The following TRAPPC8 variants were observed in gnomAD, a reference collection of about 807,000 sequenced individuals.
The protein encoded by TRAPPC8 is general sporulation gene 1 homolog.
Under a neutral mutation model 174.3 loss-of-function variants are expected in TRAPPC8, and 54 were observed. The ratio of observed to expected loss-of-function variants is 0.31; its 90% CI spans 0.25 to 0.39. TRAPPC8 has a LOEUF of 0.39. Ranked by LOEUF, TRAPPC8 falls within the 10% of genes least tolerant of loss-of-function variation. The probability of loss-of-function intolerance (pLI) is 1.00; values close to 1 mark genes in which losing one functional copy is unlikely to be tolerated. For synonymous variants in TRAPPC8, 630 were observed against 579.9 expected (o/e 1.09, Z -1.24); for missense variants, 1,531 against 1,699.1 (o/e 0.90, Z 1.74).
intron 18 of TRAPPC8, among the ~76,000 whole-genome samples, chr18:31,866,327 T>C (rs1265455388): frequency 6.6e-6 from 1 of 152,148 alleles, no homozygotes; most frequent in Non-Finnish European, 1.5e-5. Flanking sequence ...ACATATCGTG[T>C]AGTTTTCCTC....
At chr18:31,896,655 T>G (rs1346426014) in intron 11 of TRAPPC8, among the ~76,000 whole-genome samples, 1 of 152,168 alleles carries the variant, frequency 6.6e-6, no homozygotes. Flanking sequence ...CAAATGAGTC[T>G]CGCTCTGTCG....
intron 16 of TRAPPC8, among the ~76,000 whole-genome samples, chr18:31,869,619 A>G (rs2034744517): frequency 6.6e-6 from 1 of 152,248 alleles, no homozygotes; most frequent in South Asian, 2.1e-4. Context: ...ACTTGCCAAA[A>G]AACTATCAAA....
At chr18:31,909,336 TTTG>T (rs1187060720) in intron 6 of TRAPPC8, among the ~76,000 whole-genome samples, 17 of 152,018 alleles carry the variant, frequency 1.1e-4, no homozygotes, top group Middle Eastern at 3.4e-3. Context: ...ACAAAAAAAA[TTTG>T]TTATCATTAC....
chr18:31,937,993 C>T (rs947405217), intron 1 of TRAPPC8, among the ~76,000 whole-genome samples: 3 of 152,092 alleles, frequency 2.0e-5, no homozygotes, highest in African/African-American at 7.2e-5. Flanking sequence ...TAAGACACTG[C>T]ACCTGGCCTA....
rs114935917 is a variant in TRAPPC8 at position 31,857,663 on chromosome 18, G to A, written c.3065C>T (p.Thr1022Ile). The A allele has an allele frequency of 1.4e-5, 22 of 1,614,178 alleles. No homozygotes were observed. In the African/African-American group the frequency reaches 2.5e-4, roughly 19 times the overall value. Residue 1022 changes from threonine (T) to isoleucine (I), a missense_variant, in exon 20 of 29, where the codon ACT becomes ATT. Coordinates refer to ENST00000283351, the MANE Select transcript of TRAPPC8 (RefSeq NM_014939.5). ...CACTGAGGCTCCGGGTAGAAGAACAGTGTCAGGAAGGGGAACAGGAATCAC... is the reference window on the plus strand; with the variant it reads ...CACTGAGGCTCCGGGTAGAAGAACAATGTCAGGAAGGGGAACAGGAATCAC... ...PEVIPVPLPD[T>I]VLLPGASVQL...
rs1452479391 is a variant in TRAPPC8, at chr18:31,908,848, G to A, written c.1028C>T (p.Thr343Ile). ...GIIHGACLTL[T>I]DHDRIRQFIQ... ...AAACTGTCGAATTCTATCATGATCA[G>A]TAAGTGTTAAACATGCACCATGAAT... Residue 343 changes from threonine to isoleucine, a missense_variant, in exon 7 of 29, where the codon ACT becomes ATT. Coordinates refer to ENST00000283351, the MANE Select transcript of TRAPPC8 (RefSeq NM_014939.5). 2 of 1,613,738 alleles carry A rather than the reference G, an allele frequency of 1.2e-6. No homozygotes were observed. Among genetic ancestry groups the A allele is most frequent in the East Asian group, 4.5e-5 (2 of 44,848 alleles).
rs1281353933 is a variant in TRAPPC8, at chr18:31,852,699, C to A, written c.3434-36G>T. ...AAAGGGAAATTTCAAAGATGTTTCT[C>A]AGTTCATCACATGATAAAAACCAAT... On this transcript the variant is annotated intron_variant, in intron 22 of 28. Transcript: ENST00000283351. 3 of 1,535,540 alleles carry A rather than the reference C, an allele frequency of 2.0e-6. No individual in the cohort carries two copies. In the South Asian group the frequency reaches 3.4e-5, roughly 17 times the overall value.
At chr18:31,934,945 G>T (rs958323908) in intron 1 of TRAPPC8, among the ~76,000 whole-genome samples, 2 of 71,412 alleles carry the variant, frequency 2.8e-5, no homozygotes, top group Middle Eastern at 7.1e-3. Flanking sequence ...GAGAGGCTCC[G>T]TCTCATAAAT....
At chr18:31,843,459 T>G (rs540339727) in intron 26 of TRAPPC8, among the ~76,000 whole-genome samples, 47 of 152,178 alleles carry the variant, frequency 3.1e-4, no homozygotes, top group Non-Finnish European at 3.7e-4. Context: ...ATTCCCTATA[T>G]TTATTCTTTA....
intron 19 of TRAPPC8, among the ~76,000 whole-genome samples, chr18:31,860,085 T>C (rs2034249679): frequency 1.3e-5 from 2 of 151,766 alleles, no homozygotes; most frequent in African/African-American, 4.8e-5. Context: ...TCCTTTTAAA[T>C]AGTTGATATT....
intron 14 of TRAPPC8, among the ~76,000 whole-genome samples, chr18:31,872,019 T>C (rs1018014097): frequency 5.9e-5 from 9 of 152,186 alleles, no homozygotes; most frequent in Non-Finnish European, 1.3e-4. Flanking sequence ...AGTTATGTTT[T>C]GTTATACAGA....
intron 2 of TRAPPC8, among the ~76,000 whole-genome samples, chr18:31,930,401 T>G (rs542934358): frequency 6.6e-6 from 1 of 152,250 alleles, no homozygotes; most frequent in East Asian, 1.9e-4. Context: ...ATTACAGGGG[T>G]AAGCCACCAC....
intron 21 of TRAPPC8, among the ~76,000 whole-genome samples, chr18:31,854,666 T>C (rs1385174813): frequency 6.6e-6 from 1 of 152,116 alleles, no homozygotes; most frequent in Admixed American, 6.5e-5. Flanking sequence ...CACACTCTCA[T>C]CTTTGAGAAT....
Position 31,871,093 on chromosome 18 carries a change from C to T in TRAPPC8, c.2090G>A (p.Ser697Asn), listed in dbSNP as rs1242231680. The change falls in exon 15 of 29, where the codon AGT (serine) becomes AAT (asparagine). Residue 697 changes from serine to asparagine, a missense_variant. Coordinates refer to ENST00000283351, the MANE Select transcript of TRAPPC8 (RefSeq NM_014939.5). The part of the protein sequence containing the change: ...DGEKQAATHV[S>N]LDQEYDSESS... The stretch of plus-strand genomic sequence containing the variant: ...TTCAGAATCATATTCTTGATCAAGA[C>T]TTACATGAGTAGCTGCTTGTTTTTC... 1.3e-6 allele frequency: 2 copies of T among 1,577,704 alleles called. No individual in the cohort carries two copies. Among genetic ancestry groups the T allele is most frequent in the African/African-American group, 1.4e-5 (1 of 73,914 alleles).
chr18:31,901,104 T>TGG (rs2036404314), intron 9 of TRAPPC8, 79 bp from the exon 10 acceptor site: 1 of 1,285,264 alleles, frequency 7.8e-7, no homozygotes, highest in Admixed American at 2.8e-5. Context: ...AAAGTTGGAA[T>TGG]GAAATTTGCT....
At chr18:31,877,059 C>A (rs1436104533) in intron 12 of TRAPPC8, among the ~76,000 whole-genome samples, 1 of 152,150 alleles carries the variant, frequency 6.6e-6, no homozygotes, top group South Asian at 2.1e-4. Context: ...GGAGATGTAA[C>A]CGTTAATTTA....
chr18:31,854,081 A>G, intron 21 of TRAPPC8, 136 bp from the exon 22 acceptor site: 1 of 675,864 alleles, frequency 1.5e-6, no homozygotes, highest in Non-Finnish European at 2.5e-6. Flanking sequence ...ATACATTTCC[A>G]AAAACTTATT....
chr18:31,834,104 G>GTTGTTGTTGTTT lies in TRAPPC8; in HGVS notation c.3984-1943_3984-1932dup, dbSNP rs371722576. The stretch of plus-strand genomic sequence containing the variant: ...TCACATTTTGGTTGTTGTTGTTGTT[G>GTTGTTGTTGTTT]TTGTTGTTGTTTTTTATTCTTTGAG... On this transcript the variant is annotated intron_variant, in intron 27 of 28. Coordinates refer to ENST00000283351, the MANE Select transcript of TRAPPC8 (RefSeq NM_014939.5). Among the ~76,000 whole-genome samples the GTTGTTGTTGTTT allele has an allele frequency of 7.8e-3, 1,178 of 151,192 alleles. 15 individuals are homozygous for GTTGTTGTTGTTT. The highest frequency in any genetic ancestry group is 0.027 in the African/African-American group (1,112 of 41,202).
chr18:31,886,131 G>A (rs938991255), intron 12 of TRAPPC8, among the ~76,000 whole-genome samples: 3 of 150,932 alleles, frequency 2.0e-5, no homozygotes, highest in African/African-American at 4.9e-5. Flanking sequence ...TCAGTCTCCC[G>A]AGTAGCTGGG....
Sources: allele counts gnomAD v4.1 joint callset (sites outside exome capture counted in the v4.1 genomes callset), GRCh38; gene constraint gnomAD v4.1.1; transcripts MANE v1.5; gene names NCBI Gene and HGNC (gene_info 2026-07-23, HGNC 2026-07-21).